KCNIP4: variants seen among roughly 807,000 people sequenced by gnomAD.
KCNIP4 encodes the protein Kv channel-interacting protein 4.
KCNIP4 carries 12 observed loss-of-function variants against 34.0 expected under a neutral mutation model. The ratio of observed to expected loss-of-function variants is 0.35; its 90% confidence interval spans 0.23 to 0.57. The LOEUF is 0.57. KCNIP4 is among the 20% of genes least tolerant of loss of function. The pLI is 0.83. For missense variants in KCNIP4, 238 were observed against 311.7 expected (o/e 0.76, Z 1.78); for synonymous variants, 124 against 102.2 (o/e 1.21, Z -1.29).
intron 1 of KCNIP4, among the ~76,000 whole-genome samples, chr4:21,015,467 A>G (rs907153944): frequency 3.1e-4 from 44 of 141,432 alleles, no homozygotes; most frequent in African/African-American, 1.1e-3. Context: ...ATAATATATA[A>G]CCATATAATA....
At chr4:21,575,788 T>C (rs776508199) in intron 1 of KCNIP4, among the ~76,000 whole-genome samples, 4 of 152,228 alleles carry the variant, frequency 2.6e-5, no homozygotes, top group Non-Finnish European at 5.9e-5. Context: ...GCTTTGATAG[T>C]ATGAAAAGTA....
intron 1 of KCNIP4, among the ~76,000 whole-genome samples, chr4:21,669,251 T>TG (rs1749276591): frequency 6.6e-6 from 1 of 151,840 alleles, no homozygotes; most frequent in Non-Finnish European, 1.5e-5. Flanking sequence ...CAGCCTCCTG[T>TG]GTAGCTGGGA....
intron 1 of KCNIP4, among the ~76,000 whole-genome samples, chr4:21,671,655 T>C (rs972417482): frequency 3.3e-5 from 5 of 152,206 alleles, no homozygotes; most frequent in Admixed American, 6.5e-5. Flanking sequence ...GATTGATTGA[T>C]GGAGCCCCTA....
chr4:21,326,355 T>G lies in KCNIP4; in HGVS notation c.62-443646A>C, dbSNP rs148557009. Among the ~76,000 whole-genome samples, 979 of 151,864 alleles carry G rather than the reference T, an allele frequency of 6.4e-3. 12 individuals are homozygous for G. Among genetic ancestry groups the G allele is most frequent in the African/African-American group, 0.023 (938 of 41,530 alleles). On this transcript the variant is annotated intron_variant, in intron 1 of 8. Transcript: ENST00000382152. ...TACCCCCTTGCTGAATTGATCTCTT[T>G]ATCTCTTCTTTGTTCTTTTTATAGT...
chr4:21,446,153 G>A (rs1282673196), intron 1 of KCNIP4, among the ~76,000 whole-genome samples: 2 of 152,112 alleles, frequency 1.3e-5, no homozygotes, highest in African/African-American at 4.8e-5. Context: ...TGGAGAAACA[G>A]GAACACTTTT....
intron 1 of KCNIP4, among the ~76,000 whole-genome samples, chr4:21,227,414 C>T (rs1054168785): frequency 1.3e-5 from 2 of 152,142 alleles, no homozygotes; most frequent in Non-Finnish European, 2.9e-5. Context: ...TGGACTGTGG[C>T]CTGAGACTTT....
At chr4:21,324,551 T>TTGAG (rs1253213867) in intron 1 of KCNIP4, among the ~76,000 whole-genome samples, 1 of 151,942 alleles carries the variant, frequency 6.6e-6, no homozygotes, top group Non-Finnish European at 1.5e-5. Flanking sequence ...AAAAAATGAG[T>TTGAG]TGAGTGTAGA....
At chr4:21,108,471 G>C (rs1379298357) in intron 1 of KCNIP4, among the ~76,000 whole-genome samples, 1 of 151,612 alleles carries the variant, frequency 6.6e-6, no homozygotes, top group Non-Finnish European at 1.5e-5. Flanking sequence ...GCACTTCTGT[G>C]TATTGGTTAT....
chr4:20,770,332 C>T (rs1392672955), intron 3 of KCNIP4, among the ~76,000 whole-genome samples: 1 of 152,106 alleles, frequency 6.6e-6, no homozygotes, highest in African/African-American at 2.4e-5. Context: ...TTTATGAGTG[C>T]TAAGAATAGT....
intron 1 of KCNIP4, among the ~76,000 whole-genome samples, chr4:21,444,655 C>G (rs1306657931): frequency 1.3e-5 from 2 of 152,120 alleles, no homozygotes; most frequent in Non-Finnish European, 2.9e-5. Context: ...TATGATAACC[C>G]CATAGCCAAT....
intron 1 of KCNIP4, among the ~76,000 whole-genome samples, chr4:21,040,124 C>T (rs1437531883): frequency 1.3e-5 from 2 of 152,296 alleles, no homozygotes; most frequent in East Asian, 1.9e-4. Flanking sequence ...CCCCCATGAT[C>T]CAATCACCTC....
intron 1 of KCNIP4, chr4:21,697,341 A>T: frequency 7.0e-7 from 1 of 1,426,524 alleles, no homozygotes; most frequent in Non-Finnish European, 9.2e-7. Flanking sequence ...AAAAAAAAAA[A>T]GTCATTACCT....
chr4:21,696,255 A>G (rs1013105994), intron 1 of KCNIP4, among the ~76,000 whole-genome samples: 15 of 152,120 alleles, frequency 9.9e-5, no homozygotes, highest in Admixed American at 9.2e-4. Context: ...TATGCAGTTT[A>G]GTTAATTATC....
intron 1 of KCNIP4, 27 bp downstream of exon 1, chr4:21,948,544 C>T (rs1017446137): frequency 8.7e-6 from 14 of 1,605,876 alleles, no homozygotes; most frequent in Non-Finnish European, 1.1e-5. Context: ...GAAGCGGGCG[C>T]CCGCTCGCAA....
At chr4:20,973,131 T>C (rs1280814713) in intron 1 of KCNIP4, among the ~76,000 whole-genome samples, 1 of 152,182 alleles carries the variant, frequency 6.6e-6, no homozygotes, top group Admixed American at 6.5e-5. Context: ...TGACTTCTCC[T>C]CTCTAGCTAT....
At chr4:21,556,930 A>AAAAAAAAAAACAAAAAAAAC (rs1739097272) in intron 1 of KCNIP4, among the ~76,000 whole-genome samples, 2 of 108,194 alleles carry the variant, frequency 1.8e-5, no homozygotes, top group African/African-American at 3.2e-5. Flanking sequence ...CAGAAAAAAA[A>AAAAAAAAAAACAAAAAAAAC]AAAAAAAAAA....
At chr4:20,959,170 G>C (rs186325586) in intron 1 of KCNIP4, among the ~76,000 whole-genome samples, 36 of 152,350 alleles carry the variant, frequency 2.4e-4, no homozygotes, top group Non-Finnish European at 4.3e-4. Flanking sequence ...AGTAGCATAA[G>C]AGAGGATAGT....
At chr4:21,313,048 C>G (rs1477927236) in intron 1 of KCNIP4, among the ~76,000 whole-genome samples, 1 of 152,212 alleles carries the variant, frequency 6.6e-6, no homozygotes, top group African/African-American at 2.4e-5. Flanking sequence ...GGAGCCCTTT[C>G]CCATTACTCC....
At chr4:21,145,993 T>G (rs760862475) in intron 1 of KCNIP4, among the ~76,000 whole-genome samples, 1 of 152,216 alleles carries the variant, frequency 6.6e-6, no homozygotes, top group African/African-American at 2.4e-5. Flanking sequence ...ATGAATTCAT[T>G]TTGAAGTGTA....
Sources: gnomAD v4.1 joint callset for allele counts (sites outside exome capture counted in the v4.1 genomes callset) on GRCh38, gnomAD v4.1.1 for gene constraint, MANE v1.5 for transcripts, NCBI Gene and HGNC (gene_info 2026-07-23, HGNC 2026-07-21) for gene names.